PHF19: variants seen among roughly 807,000 people sequenced by gnomAD.
PHF19 encodes PHD finger protein 19, also known as polycomb like 3.
A neutral mutation model predicts 79.8 loss-of-function variants in PHF19; 21 were observed. The observed-to-expected ratio is 0.26, with a 90% CI of 0.19 to 0.38. The LOEUF is 0.38. Ranked by LOEUF, PHF19 falls within the 10% of genes least tolerant of loss-of-function variation. The probability of loss-of-function intolerance (pLI) is 1.00; values close to 1 mark genes in which losing one functional copy is unlikely to be tolerated. For synonymous variants in PHF19, 273 were observed against 296.3 expected (o/e 0.92, Z 0.81); for missense variants, 445 against 744.2 (o/e 0.60, Z 4.68).
In PHF19 at chr9:120,891,785, A is replaced by G. The variant is rs575199347; in HGVS notation, c.42+3003T>C. The stretch of plus-strand genomic sequence containing the variant: ...CGTGCTTGTTAGGAGAGACGGAAGC[A>G]TCACAGTCACCTGGTAGAAGGATGC... On this transcript the variant is annotated intron_variant, in intron 1 of 14. Transcript: ENST00000616568. The surrounding 1 kb of genome is among the most constrained non-coding windows in gnomAD (Gnocchi z 4.3). Among the ~76,000 whole-genome samples the G allele has an allele frequency of 1.3e-5, 2 of 152,320 alleles. No individual in the cohort carries two copies. Among genetic ancestry groups the G allele is most frequent in the African/African-American group, 4.8e-5 (2 of 41,574 alleles).
chr9:120,870,443 C>T lies in PHF19; in HGVS notation c.364G>A (p.Gly122Ser). 6.2e-7 allele frequency: 1 copy of T among 1,605,280 alleles called. No individual in the cohort carries two copies. The highest frequency in any genetic ancestry group is 8.5e-7 in the Non-Finnish European group (1 of 1,171,892). Residue 122 changes from glycine to serine, a missense_variant and splice_region_variant, in exon 4 of 15, where the codon GGT becomes AGT. Around this residue, in one of 5 missense-constraint regions of PHF19, gnomAD observed 167 missense variants for 375.8 expected, o/e 0.44. Coordinates refer to ENST00000373896, the MANE Select transcript of PHF19 (RefSeq NM_015651.3). The surrounding 1 kb of genome is among the most constrained non-coding windows in gnomAD (Gnocchi z 4.4). ...EILICGKCGL[G>S]YHQQCHIPIA... ...TCAGGGCCCTGCTCGCTCCACTCAC[C>T]CAGGCCACACTTCCCGCAGATGAGG...
Position 120,869,982 on chromosome 9 carries a change from A to G in PHF19, c.365-37T>C. 1.3e-6 allele frequency: 2 copies of G among 1,545,872 alleles called. No individual in the cohort carries two copies. Among genetic ancestry groups the G allele is most frequent in the Non-Finnish European group, 1.7e-6 (2 of 1,144,548 alleles). ...GAGGGGGCGGTGAGCGCCCACAAGG[A>G]CATCGTGGCCCAAGGCCAGTTGGCC... On this transcript the variant is annotated intron_variant, in intron 4 of 14. Transcript: ENST00000373896. The surrounding 1 kb of genome is among the most constrained non-coding windows in gnomAD (Gnocchi z 5.8).
upstream of PHF19, among the ~76,000 whole-genome samples, chr9:120,899,763 C>G (rs951032472): frequency 1.6e-4 from 24 of 152,266 alleles, no homozygotes; most frequent in Non-Finnish European, 4.4e-5. Context: ...GCTGTGAGCA[C>G]GGTGTCCTGC....
At position 120,860,872 on chromosome 9, in the gene PHF19, G is replaced by A. The variant is rs1183098728; in HGVS notation, c.1304+217C>T. 7.6e-6 allele frequency: 4 copies of A among 526,850 alleles called. No individual in the cohort carries two copies. The East Asian group carries it at 1.3e-4, about 17-fold the overall frequency. The allele number at this position is 526,850 out of a possible 1,614,324, so 32.6% of individuals were successfully genotyped here. A position where few individuals can be genotyped will look rare whatever the true frequency, so the allele number is the denominator to read the frequency against. On this transcript the variant is annotated intron_variant, in intron 13 of 14. Transcript: ENST00000373896. The surrounding 1 kb of genome is among the most constrained non-coding windows in gnomAD (Gnocchi z 4.1). ...ATGAGCAAGCATCAAACAGCATGGTGAGTGTGGATAACCATGGGGCAAGGT... is the reference window on the plus strand; with the variant it reads ...ATGAGCAAGCATCAAACAGCATGGTAAGTGTGGATAACCATGGGGCAAGGT...
At chr9:120,881,298 C>T (rs570150633), upstream of PHF19, among the ~76,000 whole-genome samples, 145 of 151,968 alleles carry the variant, frequency 9.5e-4, no homozygotes, top group African/African-American at 3.4e-3. Context: ...CAGGCACCCA[C>T]CACCACGCCC....
Position 120,860,893 on chromosome 9 carries a change from A to T in PHF19, c.1304+196T>A. 1 of 558,786 alleles carries T rather than the reference A, an allele frequency of 1.8e-6. No individual in the cohort carries two copies. The highest frequency in any genetic ancestry group is 3.3e-6 in the Non-Finnish European group (1 of 307,172). 34.6% of individuals were successfully genotyped at this position (558,786 alleles called of 1,614,324 possible). On this transcript the variant is annotated intron_variant, in intron 13 of 14. Transcript: ENST00000373896. The surrounding 1 kb of genome is among the most constrained non-coding windows in gnomAD (Gnocchi z 4.1). ...TGGTGAGTGTGGATAACCATGGGGC[A>T]AGGTGGGGAGGGCTGGAGAAGAGGG...
upstream of PHF19, among the ~76,000 whole-genome samples, chr9:120,896,339 G>A (rs946043292): frequency 3.3e-5 from 5 of 151,714 alleles, no homozygotes; most frequent in East Asian, 7.7e-4. Flanking sequence ...GGAGGAGACC[G>A]AAGCTTGGAC....
chr9:120,877,232 C>CG, upstream of PHF19: 2 of 228,198 alleles, frequency 8.8e-6, no homozygotes, highest in Non-Finnish European at 1.2e-5. Context: ...GGGGGCGGGG[C>CG]GGGGCGGGGG....
chr9:120,867,162 AG>A (rs1304365849), intron 6 of PHF19, among the ~76,000 whole-genome samples, 197 bp from the exon 7 acceptor site: 1 of 152,228 alleles, frequency 6.6e-6, no homozygotes, highest in Non-Finnish European at 1.5e-5. Flanking sequence ...ACCTGGTAAA[AG>A]ATGGGACACT....
upstream of PHF19, among the ~76,000 whole-genome samples, chr9:120,895,622 A>G (rs1289251013): frequency 1.3e-5 from 2 of 152,058 alleles, no homozygotes; most frequent in African/African-American, 4.8e-5. Flanking sequence ...CTTAAAGAGA[A>G]GCCTGTGACT....
rs774858387 is a variant in PHF19 at position 120,869,971 on chromosome 9, C to A, written c.365-26G>T. 1 of 1,552,622 alleles carries A rather than the reference C, an allele frequency of 6.4e-7. No homozygotes were observed. The highest frequency in any genetic ancestry group is 8.7e-7 in the Non-Finnish European group (1 of 1,148,418). On this transcript the variant is annotated intron_variant, in intron 4 of 14. Coordinates refer to ENST00000373896, the MANE Select transcript of PHF19 (RefSeq NM_015651.3). This position sits in a 1 kb window ranked among gnomAD's most constrained non-coding sequence, Gnocchi z 5.8. ...CTACGGCAGAGGAGGGGGCGGTGAGCGCCCACAAGGACATCGTGGCCCAAG... is the reference window on the plus strand; with the variant it reads ...CTACGGCAGAGGAGGGGGCGGTGAGAGCCCACAAGGACATCGTGGCCCAAG...
intron 1 of PHF19, among the ~76,000 whole-genome samples, chr9:120,892,480 C>T (rs907185309): frequency 5.9e-5 from 9 of 152,186 alleles, no homozygotes; most frequent in Admixed American, 5.9e-4. Flanking sequence ...AAAAATACCT[C>T]TCAGGTCTCA....
At position 120,866,005 on chromosome 9, in the gene PHF19, T is replaced by C; in HGVS notation, c.779+23A>G. 1 of 1,600,476 alleles carries C rather than the reference T, an allele frequency of 6.2e-7. No individual in the cohort carries two copies. The highest frequency in any genetic ancestry group is 8.6e-7 in the Non-Finnish European group (1 of 1,167,978). ...AGAAGCTGGGAGGAGCAGCGGTGGT[T>C]GGACTAAGCCCCACCCTCTCACCAT... On this transcript the variant is annotated intron_variant, in intron 8 of 14. Transcript: ENST00000373896. The surrounding 1 kb of genome is among the most constrained non-coding windows in gnomAD (Gnocchi z 5.2).
chr9:120,889,777 GA>G (rs1376979016), intron 1 of PHF19, among the ~76,000 whole-genome samples: 2 of 143,160 alleles, frequency 1.4e-5, no homozygotes, highest in Non-Finnish European at 3.0e-5. Flanking sequence ...GAGAAAGAAA[GA>G]AAAGAGAAAG....
upstream of PHF19, among the ~76,000 whole-genome samples, chr9:120,878,113 CAA>C (rs2131577356): frequency 6.6e-6 from 1 of 152,294 alleles, no homozygotes; most frequent in South Asian, 2.1e-4. Context: ...AGGCAATTCA[CAA>C]AAGAGGAAAC....
At chr9:120,865,634 C>T in intron 9 of PHF19, 76 bp downstream of exon 9, 10 of 1,558,572 alleles carry the variant, frequency 6.4e-6, no homozygotes, top group Non-Finnish European at 8.8e-6. Flanking sequence ...CAGAGACTTC[C>T]ATCCTAGTCC....
At chr9:120,863,493 TAAA>T (rs1299214828) in intron 10 of PHF19, among the ~76,000 whole-genome samples, 1 of 151,564 alleles carries the variant, frequency 6.6e-6, no homozygotes, top group African/African-American at 2.4e-5. Flanking sequence ...AGAGCATGAG[TAAA>T]AGTGCCAGGT....
chr9:120,865,607 A>G, intron 9 of PHF19, 103 bp downstream of exon 9: 1 of 1,404,826 alleles, frequency 7.1e-7, no homozygotes. Flanking sequence ...GGATGCAGCA[A>G]CTCAAGGGTG....
At chr9:120,896,613 G>A (rs967463714), upstream of PHF19, among the ~76,000 whole-genome samples, 3 of 151,780 alleles carry the variant, frequency 2.0e-5, no homozygotes, top group Non-Finnish European at 4.4e-5. Context: ...CACCACGCCC[G>A]GCTAATTTTT....
Sources: allele counts gnomAD v4.1 joint callset (sites outside exome capture counted in the v4.1 genomes callset), GRCh38; gene constraint gnomAD v4.1.1; regional missense constraint gnomAD v4.1.1; non-coding constraint Gnocchi (gnomAD v3.1); transcripts MANE v1.5; gene names NCBI Gene and HGNC (gene_info 2026-07-23, HGNC 2026-07-21).